BCL2: variants seen among roughly 807,000 people sequenced by gnomAD.
The protein encoded by BCL2 is apoptosis regulator Bcl-2.
A neutral mutation model predicts 14.2 loss-of-function variants in BCL2; 1 was observed. That is an observed-to-expected ratio of 0.07 (90% CI 0.02 to 0.33). BCL2 has a LOEUF of 0.33. Among genes scored for constraint, BCL2 ranks in the 10% least tolerant of loss-of-function variants. BCL2 has a pLI of 0.99. For missense variants in BCL2, 247 were observed against 305.9 expected (o/e 0.81, Z 1.44); for synonymous variants, 151 against 137.2 (o/e 1.10, Z -0.70).
At chr18:63,224,840 C>G (rs1033076981) in intron 2 of BCL2, among the ~76,000 whole-genome samples, 1 of 152,166 alleles carries the variant, frequency 6.6e-6, no homozygotes, top group African/African-American at 2.4e-5. Flanking sequence ...TACCACTGCA[C>G]CAGGTTTTAA....
At chr18:63,264,152 AC>A (rs979171741) in intron 2 of BCL2, among the ~76,000 whole-genome samples, 35 of 152,318 alleles carry the variant, frequency 2.3e-4, no homozygotes, top group African/African-American at 8.2e-4. Flanking sequence ...ACTGCACCTT[AC>A]CCGTCTTCAC....
chr18:63,317,807 T>C (rs887689285), intron 2 of BCL2: 1 of 1,332,794 alleles, frequency 7.5e-7, no homozygotes, highest in Non-Finnish European at 9.6e-7. Flanking sequence ...AGGGGTACCA[T>C]TTACCACCAC....
intron 2 of BCL2, among the ~76,000 whole-genome samples, chr18:63,187,279 G>C (rs562103844): frequency 6.6e-6 from 1 of 152,250 alleles, no homozygotes; most frequent in Non-Finnish European, 1.5e-5. Context: ...TTTGTACCCT[G>C]GTAATCCTGA....
At chr18:63,187,146 A>G (rs1417099552) in intron 2 of BCL2, among the ~76,000 whole-genome samples, 1 of 152,254 alleles carries the variant, frequency 6.6e-6, no homozygotes, top group African/African-American at 2.4e-5. Context: ...GTCATCTGTC[A>G]GTGTGACTTT....
intron 2 of BCL2, among the ~76,000 whole-genome samples, chr18:63,256,492 C>T (rs1911479933): frequency 1.3e-5 from 2 of 152,218 alleles, no homozygotes; most frequent in South Asian, 4.1e-4. Context: ...GCTGGGATTA[C>T]AGGCGTGAGC....
chr18:63,203,688 A>ACACACACACACACATG (rs967657648), intron 2 of BCL2, among the ~76,000 whole-genome samples: 2 of 151,192 alleles, frequency 1.3e-5, no homozygotes, highest in African/African-American at 4.9e-5. Flanking sequence ...ATGCACACGC[A>ACACACACACACACATG]CACACACACA....
At chr18:63,238,457 A>T (rs1408297784) in intron 2 of BCL2, among the ~76,000 whole-genome samples, 1 of 152,252 alleles carries the variant, frequency 6.6e-6, no homozygotes, top group Non-Finnish European at 1.5e-5. Flanking sequence ...TCAGAAACTC[A>T]GGAAAAATCC....
At chr18:63,259,380 T>C (rs1163704973) in intron 2 of BCL2, among the ~76,000 whole-genome samples, 1 of 151,840 alleles carries the variant, frequency 6.6e-6, no homozygotes, top group Non-Finnish European at 1.5e-5. Context: ...TTCGCTGAGG[T>C]CTATTTGTAC....
At chr18:63,166,738 C>T (rs1390942571) in intron 2 of BCL2, among the ~76,000 whole-genome samples, 4 of 152,162 alleles carry the variant, frequency 2.6e-5, no homozygotes, top group Non-Finnish European at 5.9e-5. Context: ...TGAGGTATCA[C>T]ATAGGTTAAG....
intron 2 of BCL2, among the ~76,000 whole-genome samples, chr18:63,208,448 G>A (rs546444812): frequency 1.3e-5 from 2 of 152,222 alleles, no homozygotes; most frequent in Non-Finnish European, 2.9e-5. Context: ...ATTTTACAAG[G>A]GGACATGGTA....
chr18:63,135,782 C>T lies in BCL2; in HGVS notation c.586-7023G>A, dbSNP rs1914192448. 2.6e-5 allele frequency among the ~76,000 whole-genome samples: 4 copies of T among 152,276 alleles called. No individual in the cohort carries two copies. In the South Asian group the frequency reaches 8.3e-4, roughly 32 times the overall value. On this transcript the variant is annotated intron_variant, in intron 2 of 2. Coordinates refer to ENST00000333681, the MANE Select transcript of BCL2 (RefSeq NM_000633.3). Reference sequence around the variant, plus strand: ...CTCAAAATGTCTGTGCTGATGCGTGCTCCACCCTAACCATTATCTTCTCTG... The same window carrying T: ...CTCAAAATGTCTGTGCTGATGCGTGTTCCACCCTAACCATTATCTTCTCTG...
chr18:63,224,289 A>G (rs1372075901), intron 2 of BCL2, among the ~76,000 whole-genome samples: 1 of 152,248 alleles, frequency 6.6e-6, no homozygotes, highest in Non-Finnish European at 1.5e-5. Flanking sequence ...CACAGTCTTG[A>G]CAGATTGAAA....
chr18:63,155,489 AG>A (rs1322481800), intron 2 of BCL2, among the ~76,000 whole-genome samples: 28 of 151,878 alleles, frequency 1.8e-4, no homozygotes, highest in African/African-American at 6.5e-4. Flanking sequence ...AGGGTCTCGG[AG>A]GGTCCAGCTG....
chr18:63,269,859 A>G (rs1911953287), intron 2 of BCL2, among the ~76,000 whole-genome samples: 1 of 152,230 alleles, frequency 6.6e-6, no homozygotes, highest in Admixed American at 6.5e-5. Context: ...TTTACTGTTA[A>G]TAACACACCA....
intron 2 of BCL2, among the ~76,000 whole-genome samples, chr18:63,301,887 T>G (rs1018545660): frequency 1.1e-4 from 16 of 152,246 alleles, no homozygotes; most frequent in Non-Finnish European, 2.2e-4. Flanking sequence ...ACAAAAATAC[T>G]GATTATCTGA....
chr18:63,155,186 C>T (rs528595484), intron 2 of BCL2, among the ~76,000 whole-genome samples: 13 of 152,258 alleles, frequency 8.5e-5, no homozygotes, highest in African/African-American at 2.6e-4. Context: ...CGGCACAGGG[C>T]GGGCAGAGGT....
chr18:63,131,119 G>A (rs761977145), intron 2 of BCL2, among the ~76,000 whole-genome samples: 5 of 152,068 alleles, frequency 3.3e-5, no homozygotes, highest in African/African-American at 9.7e-5. Flanking sequence ...TAACAGGGCC[G>A]AGGCTGAGAA....
chr18:63,293,966 T>TG (rs1408124938), intron 2 of BCL2, among the ~76,000 whole-genome samples: 1 of 151,948 alleles, frequency 6.6e-6, no homozygotes, highest in African/African-American at 2.4e-5. Flanking sequence ...TTCTCTTTTT[T>TG]TTTTTGCAAA....
chr18:63,235,813 C>T (rs1227012139), intron 2 of BCL2, among the ~76,000 whole-genome samples: 1 of 151,302 alleles, frequency 6.6e-6, no homozygotes, highest in Admixed American at 6.6e-5. Flanking sequence ...CTGTGTGATG[C>T]TCAATGCTCA....
Sources: gnomAD v4.1 joint callset for allele counts (sites outside exome capture counted in the v4.1 genomes callset) on GRCh38, gnomAD v4.1.1 for gene constraint, MANE v1.5 for transcripts, NCBI Gene and HGNC (gene_info 2026-07-23, HGNC 2026-07-21) for gene names.